Variants in STXBP4 observed in about 807,000 individuals in gnomAD.
STXBP4 encodes the protein syntaxin binding protein 4, also known as syntaxin-binding protein 4.
In STXBP4, 55 loss-of-function variants were observed where a neutral mutation model predicts 76.1. The observed-to-expected ratio is 0.72, with a 90% CI of 0.58 to 0.91. STXBP4 has a LOEUF of 0.91. Ranked by LOEUF, STXBP4 falls within the 40% of genes least tolerant of loss-of-function variation. The pLI, the probability that STXBP4 is intolerant of heterozygous loss-of-function variation, is 0.00. For synonymous variants in STXBP4, 201 were observed against 220.2 expected, an observed-to-expected ratio of 0.91 and a Z score of 0.77; for missense variants, 618 against 636.9, an observed-to-expected ratio of 0.97 and a Z score of 0.32.
intron 16 of STXBP4, among the ~76,000 whole-genome samples, chr17:55,083,207 C>A (rs2079279075): frequency 6.6e-6 from 1 of 152,036 alleles, no homozygotes; most frequent in South Asian, 2.1e-4. Flanking sequence ...AACTCCTGGA[C>A]TGAAGCAATC....
intron 8 of STXBP4, among the ~76,000 whole-genome samples, chr17:55,017,197 ACT>A (rs1484811529): frequency 6.6e-6 from 1 of 150,424 alleles, no homozygotes; most frequent in Admixed American, 6.6e-5. Context: ...TCTCTCTTCG[ACT>A]CTCTTTTTCT....
intron 12 of STXBP4, among the ~76,000 whole-genome samples, chr17:55,056,896 T>A (rs2078930317): frequency 6.6e-6 from 1 of 152,220 alleles, no homozygotes; most frequent in Non-Finnish European, 1.5e-5. Flanking sequence ...AAAGCAACTC[T>A]AAATTTAGCA....
intron 11 of STXBP4, among the ~76,000 whole-genome samples, chr17:55,045,614 A>G (rs534373534): frequency 1.3e-5 from 2 of 152,168 alleles, no homozygotes; most frequent in African/African-American, 4.8e-5. Flanking sequence ...GAGTCATTCA[A>G]TAAATCAGGA....
chr17:55,023,686 G>C (rs1169035265), intron 8 of STXBP4, among the ~76,000 whole-genome samples: 1 of 151,540 alleles, frequency 6.6e-6, no homozygotes, highest in Non-Finnish European at 1.5e-5. Flanking sequence ...AAGCTAGGAA[G>C]GAAGAAAAAA....
intron 12 of STXBP4, among the ~76,000 whole-genome samples, chr17:55,071,351 C>T (rs1207907534): frequency 2.0e-5 from 3 of 152,098 alleles, no homozygotes; most frequent in Non-Finnish European, 4.4e-5. Flanking sequence ...TCATGTCTTA[C>T]TACTCCCGTC....
chr17:55,098,677 G>A (rs374648190), intron 16 of STXBP4, among the ~76,000 whole-genome samples: 23 of 152,260 alleles, frequency 1.5e-4, no homozygotes, highest in African/African-American at 4.1e-4. Context: ...TCATTCTGTC[G>A]TTAAGCCCTC....
intron 12 of STXBP4, among the ~76,000 whole-genome samples, chr17:55,066,619 A>G (rs988298838): frequency 3.3e-5 from 5 of 152,226 alleles, no homozygotes; most frequent in Non-Finnish European, 5.9e-5. Context: ...ACAAACAAGT[A>G]TAATTGTCAT....
chr17:55,041,726 C>G (rs2078701730), intron 10 of STXBP4, among the ~76,000 whole-genome samples: 1 of 152,210 alleles, frequency 6.6e-6, no homozygotes, highest in South Asian at 2.1e-4. Context: ...GGAAACATCA[C>G]AAGTTATTAT....
chr17:55,152,525 C>G (rs181627277), intron 17 of STXBP4, among the ~76,000 whole-genome samples: 1 of 152,280 alleles, frequency 6.6e-6, no homozygotes, highest in Non-Finnish European at 1.5e-5. Context: ...CACAGTTCCA[C>G]GTGGCTGGGG....
At chr17:55,140,832 G>A (rs1396782189) in intron 16 of STXBP4, among the ~76,000 whole-genome samples, 2 of 152,052 alleles carry the variant, frequency 1.3e-5, no homozygotes, top group Non-Finnish European at 2.9e-5. Flanking sequence ...ACTTAATAAG[G>A]AATTTTGTCT....
At chr17:55,207,347 C>A in the STXBP4 span, among the ~76,000 whole-genome samples, 1 of 152,108 alleles carries the variant, frequency 6.6e-6, no homozygotes. Flanking sequence ...CCATATAACC[C>A]TCCAGTCTCA....
chr17:55,175,441 C>G (rs2080426357), downstream of STXBP4, among the ~76,000 whole-genome samples: 1 of 152,184 alleles, frequency 6.6e-6, no homozygotes, highest in African/African-American at 2.4e-5. Flanking sequence ...CTAAAGTTGA[C>G]AGAAACCAGC....
intron 8 of STXBP4, among the ~76,000 whole-genome samples, chr17:55,008,258 C>T (rs2078044872): frequency 6.6e-6 from 1 of 151,650 alleles, no homozygotes. Context: ...AGACCACAAA[C>T]TCTACCTTCC....
At chr17:55,043,668 C>T (rs931213509) in intron 11 of STXBP4, 2 of 1,548,532 alleles carry the variant, frequency 1.3e-6, no homozygotes, top group African/African-American at 2.7e-5. Context: ...AATTTTGGAT[C>T]CTGTGAGTTC....
At chr17:55,158,896 G>T (rs372910682) in intron 17 of STXBP4, among the ~76,000 whole-genome samples, 12 of 152,322 alleles carry the variant, frequency 7.9e-5, no homozygotes, top group African/African-American at 2.4e-4. Flanking sequence ...GGGATATTTG[G>T]TTTTTTAGAA....
At chr17:55,038,372 T>C (rs908563632) in intron 10 of STXBP4, among the ~76,000 whole-genome samples, 1 of 152,110 alleles carries the variant, frequency 6.6e-6, no homozygotes, top group Non-Finnish European at 1.5e-5. Context: ...TTGCCCCTTA[T>C]TGAATTTCAT....
chr17:54,978,162 C>G lies in STXBP4; in HGVS notation c.-156-7452C>G, dbSNP rs115626493. Reference sequence around the variant, plus strand: ...GAGACTTGTAGTTTAATAAGCCTGCCATAAAATTTTTGATTTGTAGAGCCA... The same window carrying G: ...GAGACTTGTAGTTTAATAAGCCTGCGATAAAATTTTTGATTTGTAGAGCCA... On this transcript the variant is annotated intron_variant, in intron 1 of 17. Transcript: ENST00000376352. 7.0e-3 allele frequency among the ~76,000 whole-genome samples: 1,064 copies of G among 152,186 alleles called. 14 individuals carry two copies. The highest frequency in any genetic ancestry group is 0.024 in the African/African-American group (1,001 of 41,536).
rs555139881 is a variant in STXBP4, at chr17:54,983,739, G to T, written c.-156-1875G>T. On this transcript the variant is annotated intron_variant, in intron 1 of 17. Coordinates refer to ENST00000376352, the MANE Select transcript of STXBP4 (RefSeq NM_178509.6). ...GCTATTATTGTTATTATTTGAGAAT[G>T]ACCTCTCTTGAGGTTTGAGAATCTG... Among the ~76,000 whole-genome samples the T allele has an allele frequency of 3.9e-5, 6 of 152,242 alleles. 1 individual carries two copies. The highest frequency in any genetic ancestry group is 1.4e-4 in the African/African-American group (6 of 41,548).
intron 17 of STXBP4, among the ~76,000 whole-genome samples, chr17:55,144,086 A>G (rs1198553419): frequency 6.6e-6 from 1 of 151,786 alleles, no homozygotes; most frequent in Non-Finnish European, 1.5e-5. Context: ...TTAATATAGT[A>G]TGTTGACATG....
Sources: allele counts gnomAD v4.1 joint callset (sites outside exome capture counted in the v4.1 genomes callset), GRCh38; gene constraint gnomAD v4.1.1; transcripts MANE v1.5; gene names NCBI Gene and HGNC (gene_info 2026-07-23, HGNC 2026-07-21).